Variants in CCSER2 observed in about 807,000 individuals in gnomAD.
The protein encoded by CCSER2 is serine-rich coiled-coil domain-containing protein 2.
A neutral mutation model predicts 92.3 loss-of-function variants in CCSER2; 46 were observed. That is an observed-to-expected ratio of 0.50 (90% CI 0.39 to 0.64). The LOEUF (loss-of-function observed/expected upper bound fraction) is 0.64, where lower values mean the gene tolerates loss of function less well. Ranked by LOEUF, CCSER2 falls within the 30% of genes least tolerant of loss-of-function variation. CCSER2 has a pLI of 0.00. For synonymous variants in CCSER2, 433 were observed against 431.4 expected, an observed-to-expected ratio of 1.00 and a Z score of -0.04; for missense variants, 1,244 against 1,238.9, an observed-to-expected ratio of 1.00 and a Z score of -0.06.
At chr10:84,510,948 A>C (rs553141346) in intron 9 of CCSER2, among the ~76,000 whole-genome samples, 1 of 152,346 alleles carries the variant, frequency 6.6e-6, no homozygotes, top group Non-Finnish European at 1.5e-5. Context: ...TGATTTTCCA[A>C]ATATAGTTAC....
chr10:84,418,081 A>G (rs1292033479), intron 4 of CCSER2, among the ~76,000 whole-genome samples: 1 of 152,220 alleles, frequency 6.6e-6, no homozygotes, highest in African/African-American at 2.4e-5. Flanking sequence ...ATCCAATAAC[A>G]TTGTATACCA....
At chr10:84,419,756 A>G (rs1405594003) in intron 4 of CCSER2, among the ~76,000 whole-genome samples, 1 of 152,272 alleles carries the variant, frequency 6.6e-6, no homozygotes, top group Non-Finnish European at 1.5e-5. Flanking sequence ...TGAGGATTAG[A>G]GTAGTCAAAG....
chr10:84,467,889 C>T (rs561971621), intron 7 of CCSER2, among the ~76,000 whole-genome samples: 2 of 152,208 alleles, frequency 1.3e-5, no homozygotes, highest in African/African-American at 4.8e-5. Context: ...TTATCACTCT[C>T]TTGGGTCAGG....
At chr10:84,350,707 A>G (rs1301045654) in intron 1 of CCSER2, among the ~76,000 whole-genome samples, 1 of 152,214 alleles carries the variant, frequency 6.6e-6, no homozygotes, top group Non-Finnish European at 1.5e-5. Flanking sequence ...TTTTGGGCTG[A>G]AAACTGCCCT....
rs1173999228 is a variant in CCSER2 at position 84,513,900 on chromosome 10, C to G, written c.2777C>G (p.Ser926Cys). 3 of 1,536,348 alleles carry G rather than the reference C, an allele frequency of 2.0e-6. No individual in the cohort carries two copies. Among genetic ancestry groups the G allele is most frequent in the Non-Finnish European group, 2.6e-6 (3 of 1,146,954 alleles). ...AAGTCCTTGCAGCTTTTAAAGCCAT[C>G]CATATTGAGTTCTTTGGTACCGCCT... Reference protein sequence around the residue: ...QPKSLQLLKPSILSSLVPPPV... With the variant: ...QPKSLQLLKPCILSSLVPPPV... The change falls in exon 10 of 10, where the codon TCC becomes TGC. Residue 926 changes from serine to cysteine, a missense_variant. Coordinates refer to ENST00000372088, the MANE Select transcript of CCSER2 (RefSeq NM_001284240.2).
intron 1 of CCSER2, among the ~76,000 whole-genome samples, chr10:84,331,545 G>C (rs1843562507): frequency 6.6e-6 from 1 of 152,200 alleles, no homozygotes; most frequent in African/African-American, 2.4e-5. Flanking sequence ...TAAGAAGGTT[G>C]CAGCTGGCTA....
intron 6 of CCSER2, among the ~76,000 whole-genome samples, chr10:84,442,461 T>A (rs547773056): frequency 6.6e-6 from 1 of 152,238 alleles, no homozygotes; most frequent in Admixed American, 6.5e-5. Context: ...AGGCTGTATG[T>A]ATATTATGAT....
intron 9 of CCSER2, among the ~76,000 whole-genome samples, chr10:84,482,115 AAGC>A (rs1467655357): frequency 6.6e-6 from 1 of 152,154 alleles, no homozygotes; most frequent in African/African-American, 2.4e-5. Context: ...AAGTCAGTAA[AAGC>A]AGTTTTCAGA....
intron 1 of CCSER2, among the ~76,000 whole-genome samples, chr10:84,357,829 A>G (rs1048995452): frequency 6.6e-6 from 1 of 152,226 alleles, no homozygotes. Context: ...GTCTGTGACA[A>G]CTGTATCCAC....
At chr10:84,416,134 G>C (rs1230578662) in intron 3 of CCSER2, among the ~76,000 whole-genome samples, 8 of 152,188 alleles carry the variant, frequency 5.3e-5, no homozygotes, top group Admixed American at 5.2e-4. Flanking sequence ...GGAGAAGTGT[G>C]GTTTCCCCAG....
At chr10:84,409,309 A>G (rs1226254578) in intron 3 of CCSER2, among the ~76,000 whole-genome samples, 1 of 150,804 alleles carries the variant, frequency 6.6e-6, no homozygotes, top group African/African-American at 2.4e-5. Flanking sequence ...TATTTAAAAA[A>G]ATTTTTTTTT....
chr10:84,373,987 A>T (rs939045306), intron 3 of CCSER2, 172 bp downstream of exon 3: 3 of 1,354,000 alleles, frequency 2.2e-6, no homozygotes, highest in African/African-American at 2.9e-5. Flanking sequence ...GAAATAAAGC[A>T]TGGAGAATAT....
At chr10:84,492,323 C>T (rs1450985587) in intron 9 of CCSER2, among the ~76,000 whole-genome samples, 3 of 151,440 alleles carry the variant, frequency 2.0e-5, no homozygotes, top group Admixed American at 2.0e-4. Flanking sequence ...TGTATATTGA[C>T]CTTGTATTTT....
At chr10:84,435,590 TA>T (rs1488378606) in intron 5 of CCSER2, among the ~76,000 whole-genome samples, 2 of 124,804 alleles carry the variant, frequency 1.6e-5, no homozygotes, top group African/African-American at 3.2e-5. Context: ...TATAAGCTTT[TA>T]AAAAAAATTC....
chr10:84,509,900 A>C (rs1297310672), intron 9 of CCSER2, among the ~76,000 whole-genome samples: 1 of 152,146 alleles, frequency 6.6e-6, no homozygotes, highest in African/African-American at 2.4e-5. Context: ...TGTCCCCTTC[A>C]AATCTTTTTC....
At chr10:84,378,763 G>A (rs1846481775) in intron 3 of CCSER2, among the ~76,000 whole-genome samples, 1 of 151,950 alleles carries the variant, frequency 6.6e-6, no homozygotes, top group African/African-American at 2.4e-5. Context: ...AAAGAGATAG[G>A]GTCTGTCTCT....
At chr10:84,509,791 C>T (rs1482912728) in intron 9 of CCSER2, among the ~76,000 whole-genome samples, 1 of 152,066 alleles carries the variant, frequency 6.6e-6, no homozygotes, top group African/African-American at 2.4e-5. Flanking sequence ...TCCTTTTGCC[C>T]TCTAGGTTTT....
intron 6 of CCSER2, among the ~76,000 whole-genome samples, chr10:84,461,132 T>G (rs1486051614): frequency 6.6e-6 from 1 of 152,176 alleles, no homozygotes; most frequent in Non-Finnish European, 1.5e-5. Context: ...TCTGTTATTT[T>G]CCTTCAATTC....
rs192695899 is a variant in CCSER2, at chr10:84,356,353, G to A, written c.-39-14661G>A. Reference sequence around the variant, plus strand: ...GTTAAATGCTGTTAACTATTTTAAGGATTTTTACTTTTAAAAAATGTTAAG... The same window carrying A: ...GTTAAATGCTGTTAACTATTTTAAGAATTTTTACTTTTAAAAAATGTTAAG... On this transcript the variant is annotated intron_variant, in intron 1 of 9. Transcript: ENST00000372088. 7.2e-5 allele frequency among the ~76,000 whole-genome samples: 11 copies of A among 152,184 alleles called. No homozygotes were observed. The East Asian group carries it at 2.1e-3, about 29-fold the overall frequency.
Sources: gnomAD v4.1 joint callset for allele counts (sites outside exome capture counted in the v4.1 genomes callset) on GRCh38, gnomAD v4.1.1 for gene constraint, MANE v1.5 for transcripts, NCBI Gene and HGNC (gene_info 2026-07-23, HGNC 2026-07-21) for gene names.